The following JAZF1 variants were observed in gnomAD, a reference collection of about 807,000 sequenced individuals.
JAZF1 encodes JAZF zinc finger 1, also known as juxtaposed with another zinc finger protein 1.
In JAZF1, 8 loss-of-function variants were observed where a neutral mutation model predicts 26.4. The ratio of observed to expected loss-of-function variants is 0.30; its 90% confidence interval spans 0.18 to 0.55. The LOEUF (loss-of-function observed/expected upper bound fraction) is 0.55. Among genes scored for constraint, JAZF1 ranks in the 20% least tolerant of loss-of-function variants. JAZF1 has a pLI of 0.94. For synonymous variants in JAZF1, 126 were observed against 122.3 expected, an observed-to-expected ratio of 1.03 and a Z score of -0.20; for missense variants, 199 against 322.0, an observed-to-expected ratio of 0.62 and a Z score of 2.92.
At chr7:27,919,581 A>C (rs923770606) in intron 2 of JAZF1, among the ~76,000 whole-genome samples, 3 of 152,198 alleles carry the variant, frequency 2.0e-5, no homozygotes, top group African/African-American at 7.2e-5. Flanking sequence ...TTACGATGAT[A>C]AGGTAGCAAC....
intron 1 of JAZF1, among the ~76,000 whole-genome samples, chr7:28,057,712 C>A (rs1215975603): frequency 6.6e-6 from 1 of 152,084 alleles, no homozygotes; most frequent in Non-Finnish European, 1.5e-5. Flanking sequence ...GGAATTTTCC[C>A]ATTGTGTCTA....
At chr7:27,894,150 A>AGCTC (rs1784020408) in intron 3 of JAZF1, among the ~76,000 whole-genome samples, 1 of 152,160 alleles carries the variant, frequency 6.6e-6, no homozygotes. Flanking sequence ...AACAGGTGTA[A>AGCTC]GCTCCTGAGG....
intron 1 of JAZF1, among the ~76,000 whole-genome samples, chr7:28,015,756 C>T (rs1211938803): frequency 1.3e-5 from 2 of 152,218 alleles, no homozygotes; most frequent in African/African-American, 2.4e-5. Context: ...AACACACCCT[C>T]GTCCCAGCAG....
intron 2 of JAZF1, among the ~76,000 whole-genome samples, chr7:27,927,760 G>T (rs1221759775): frequency 6.6e-6 from 1 of 151,956 alleles, no homozygotes; most frequent in Non-Finnish European, 1.5e-5. Context: ...AATTCATAAT[G>T]GTAGATATGG....
At chr7:27,990,678 C>A (rs1487312859) in intron 2 of JAZF1, among the ~76,000 whole-genome samples, 1 of 151,904 alleles carries the variant, frequency 6.6e-6, no homozygotes, top group Admixed American at 6.6e-5. Context: ...TATTAGTAGG[C>A]CAATATTATT....
intron 1 of JAZF1, among the ~76,000 whole-genome samples, chr7:28,054,340 T>C (rs752643915): frequency 6.6e-6 from 1 of 152,156 alleles, no homozygotes; most frequent in Non-Finnish European, 1.5e-5. Flanking sequence ...CCAATCCCAG[T>C]TGTCCTTTAT....
chr7:27,925,900 G>A (rs561163573), intron 2 of JAZF1, among the ~76,000 whole-genome samples: 3 of 152,330 alleles, frequency 2.0e-5, no homozygotes, highest in East Asian at 1.9e-4. Context: ...TGATACCTCC[G>A]TAGTTACAAA....
intron 1 of JAZF1, among the ~76,000 whole-genome samples, chr7:28,067,580 A>G (rs947001333): frequency 2.0e-5 from 3 of 152,180 alleles, no homozygotes; most frequent in Non-Finnish European, 4.4e-5. Context: ...CTGGAGAACC[A>G]ATGATGGAGC....
intron 2 of JAZF1, among the ~76,000 whole-genome samples, chr7:27,934,798 T>C (rs1784741584): frequency 6.6e-6 from 1 of 152,190 alleles, no homozygotes; most frequent in Non-Finnish European, 1.5e-5. Context: ...GGTTAGGCAA[T>C]GGTTCTTTAG....
At chr7:28,049,511 A>G (rs927779070) in intron 1 of JAZF1, among the ~76,000 whole-genome samples, 3 of 152,086 alleles carry the variant, frequency 2.0e-5, no homozygotes, top group African/African-American at 7.2e-5. Context: ...CCTACAATAT[A>G]TTCAATTCAA....
chr7:27,935,995 C>T (rs1156299033), intron 2 of JAZF1, among the ~76,000 whole-genome samples: 1 of 152,166 alleles, frequency 6.6e-6, no homozygotes, highest in African/African-American at 2.4e-5. Context: ...CCCAGTACCT[C>T]GTGCGCCTTG....
At chr7:28,087,898 T>A (rs1461112166) in intron 1 of JAZF1, among the ~76,000 whole-genome samples, 1 of 152,214 alleles carries the variant, frequency 6.6e-6, no homozygotes, top group Non-Finnish European at 1.5e-5. Context: ...TTCTTGTATA[T>A]TTTCTTTCTC....
chr7:28,120,629 T>C (rs1006145384), intron 1 of JAZF1, among the ~76,000 whole-genome samples: 1 of 146,790 alleles, frequency 6.8e-6, no homozygotes, highest in Non-Finnish European at 1.5e-5. Context: ...TGCCTCAGCC[T>C]CCCGAGTAGC....
intron 1 of JAZF1, among the ~76,000 whole-genome samples, chr7:28,105,437 G>A (rs909124190): frequency 2.6e-5 from 4 of 152,186 alleles, no homozygotes; most frequent in African/African-American, 9.6e-5. Context: ...AACGGTTTTC[G>A]AGTGGATAAA....
intron 1 of JAZF1, among the ~76,000 whole-genome samples, chr7:28,061,961 C>A (rs866982033): frequency 2.6e-5 from 4 of 152,292 alleles, no homozygotes; most frequent in Middle Eastern, 6.8e-3. Context: ...TGATTGGACA[C>A]AAAGGATCTG....
rs1293783777 is a variant in JAZF1 at position 27,898,278 on chromosome 7, G to A, written c.189-2862C>T. Among the ~76,000 whole-genome samples the A allele has an allele frequency of 4.1e-5, 3 of 72,890 alleles. No homozygotes were observed. In the Admixed American group the frequency reaches 4.9e-4, roughly 12 times the overall value. The allele number at this position is 72,890 out of a possible 152,430, so 47.8% of individuals were successfully genotyped here. ...GGCAGAGAGAGAAAGGCTTCTCTACGTCTAACTCATATATATATATATATA... is the reference window on the plus strand; with the variant it reads ...GGCAGAGAGAGAAAGGCTTCTCTACATCTAACTCATATATATATATATATA... On this transcript the variant is annotated intron_variant, in intron 2 of 4. Transcript: ENST00000283928.
chr7:27,868,489 C>G (rs116078781), intron 3 of JAZF1, among the ~76,000 whole-genome samples: 1 of 152,206 alleles, frequency 6.6e-6, no homozygotes, highest in African/African-American at 2.4e-5. Flanking sequence ...CTGAACAAGG[C>G]GTGGAGTTGC....
intron 3 of JAZF1, among the ~76,000 whole-genome samples, chr7:27,849,772 CA>C (rs1027185531): frequency 9.5e-5 from 14 of 147,014 alleles, no homozygotes; most frequent in Non-Finnish European, 1.3e-4. Flanking sequence ...CACACACACA[CA>C]CCCCTACACC....
At chr7:28,158,091 G>C (rs1783215416) in intron 1 of JAZF1, among the ~76,000 whole-genome samples, 1 of 151,576 alleles carries the variant, frequency 6.6e-6, no homozygotes, top group Admixed American at 6.6e-5. Flanking sequence ...CTCAAAACTT[G>C]GTTGAGGGCA....
Sources: gnomAD v4.1 joint callset for allele counts (sites outside exome capture counted in the v4.1 genomes callset) on GRCh38, gnomAD v4.1.1 for gene constraint, MANE v1.5 for transcripts, NCBI Gene and HGNC (gene_info 2026-07-23, HGNC 2026-07-21) for gene names.